SAMMSON: variants seen among roughly 807,000 people sequenced by gnomAD.
SAMMSON encodes the protein long intergenic non-protein coding RNA 1212.
chr3:70,060,967 T>G (rs2067185293), intron 3 of SAMMSON, among the ~76,000 whole-genome samples: 2 of 151,894 alleles, frequency 1.3e-5, no homozygotes, highest in Non-Finnish European at 2.9e-5. Context: ...AGTGGAAAAT[T>G]ATCTGGATAT....
intron 4 of SAMMSON, among the ~76,000 whole-genome samples, chr3:70,222,484 G>A (rs1701469705): frequency 6.6e-6 from 1 of 152,176 alleles, no homozygotes; most frequent in Non-Finnish European, 1.5e-5. Flanking sequence ...CTTTGGATAG[G>A]TTGGTTTTCG....
intron 7 of SAMMSON, among the ~76,000 whole-genome samples, chr3:70,337,145 T>A (rs951929474): frequency 0.057 from 3,749 of 65,792 alleles, 92 homozygotes; most frequent in African/African-American, 0.064. Flanking sequence ...CTTAATATTA[T>A]TATTAATAAT....
In SAMMSON at chr3:70,112,274, A is replaced by T. The variant is rs566023470; in HGVS notation, n.507+40709A>T. ...AATAACAGGTGTCAGAAGACAATGG[A>T]ATATCTGCACAATGCTGGGAGAAAG... On this transcript the variant is annotated intron_variant and non_coding_transcript_variant, in intron 4 of 9. Transcript: ENST00000642114. Among the ~76,000 whole-genome samples the T allele has an allele frequency of 8.0e-4, 122 of 152,290 alleles. 4 individuals are homozygous for T. In the South Asian group the frequency reaches 0.024, roughly 30 times the overall value.
chr3:70,371,686 G>A (rs9310190), intron 9 of SAMMSON, among the ~76,000 whole-genome samples: 72,939 of 151,628 alleles, frequency 0.48, 18,023 homozygotes, highest in East Asian at 0.61. Context: ...ATTTATTTGT[G>A]TCCTGCAACC....
chr3:70,429,226 C>G (rs925760166), intron 2 of SAMMSON, among the ~76,000 whole-genome samples: 1 of 152,176 alleles, frequency 6.6e-6, no homozygotes, highest in Admixed American at 6.5e-5. Context: ...ATAGGGAATT[C>G]TTTCTCCATT....
chr3:70,084,024 A>C (rs539845558), intron 4 of SAMMSON, among the ~76,000 whole-genome samples: 24 of 152,286 alleles, frequency 1.6e-4, no homozygotes, highest in Admixed American at 5.9e-4. Flanking sequence ...TGGAATCCCA[A>C]CCAGAGACCT....
chr3:70,255,487 G>A (rs1338309669), intron 6 of SAMMSON, among the ~76,000 whole-genome samples: 1 of 152,090 alleles, frequency 6.6e-6, no homozygotes, highest in East Asian at 1.9e-4. Flanking sequence ...AGTGGTATGA[G>A]CACAGTTAAC....
At chr3:70,258,789 T>A (rs1200768194) in intron 6 of SAMMSON, among the ~76,000 whole-genome samples, 1 of 152,140 alleles carries the variant, frequency 6.6e-6, no homozygotes, top group African/African-American at 2.4e-5. Flanking sequence ...AAAAGTGTTA[T>A]TTAGCCAATA....
At position 70,065,775 on chromosome 3, in the gene SAMMSON, A is replaced by G. The variant is rs1361389043; in HGVS notation, n.418-5701A>G. Among the ~76,000 whole-genome samples, 3 of 152,176 alleles carry G rather than the reference A, an allele frequency of 2.0e-5. No homozygotes were observed. In the East Asian group the frequency reaches 5.8e-4, roughly 30 times the overall value. On this transcript the variant is annotated intron_variant and non_coding_transcript_variant, in intron 3 of 9. Transcript: ENST00000642114. The stretch of plus-strand genomic sequence containing the variant: ...CCACCCCCACAACACACACACAATA[A>G]AAAATTGGCCCCAAATGTTAATAGC...
chr3:70,265,303 C>G (rs1428000126), intron 6 of SAMMSON, among the ~76,000 whole-genome samples: 2 of 152,144 alleles, frequency 1.3e-5, no homozygotes, highest in Non-Finnish European at 2.9e-5. Context: ...AAAAAACTAA[C>G]CTAGTGAGAT....
intron 4 of SAMMSON, among the ~76,000 whole-genome samples, chr3:70,132,467 C>T (rs2067486370): frequency 6.6e-6 from 1 of 152,186 alleles, no homozygotes; most frequent in Admixed American, 6.5e-5. Flanking sequence ...CACAGCTCCT[C>T]CTATAATCTG....
chr3:70,261,140 T>A (rs1314806689), intron 6 of SAMMSON, among the ~76,000 whole-genome samples: 2 of 152,200 alleles, frequency 1.3e-5, no homozygotes, highest in African/African-American at 2.4e-5. Context: ...CATTAGCAGA[T>A]AATATTGTAT....
chr3:70,156,475 A>C (rs1043037297), intron 4 of SAMMSON, among the ~76,000 whole-genome samples: 1 of 152,052 alleles, frequency 6.6e-6, no homozygotes, highest in Non-Finnish European at 1.5e-5. Flanking sequence ...ATAACCATGA[A>C]GTTTTATCAA....
At chr3:70,375,849 T>A (rs946141693) in intron 9 of SAMMSON, among the ~76,000 whole-genome samples, 2 of 152,162 alleles carry the variant, frequency 1.3e-5, no homozygotes, top group African/African-American at 4.8e-5. Flanking sequence ...CTCTCAACAA[T>A]TTCATGTTTT....
chr3:70,223,372 A>C (rs1395797860), intron 4 of SAMMSON, among the ~76,000 whole-genome samples: 1 of 152,188 alleles, frequency 6.6e-6, no homozygotes, highest in Non-Finnish European at 1.5e-5. Context: ...CTTAAAAATC[A>C]ACTGAGATGA....
chr3:70,305,474 G>A (rs988694318), intron 7 of SAMMSON, among the ~76,000 whole-genome samples: 3 of 152,078 alleles, frequency 2.0e-5, no homozygotes, highest in South Asian at 2.1e-4. Context: ...AAAATATCCC[G>A]TTTAGAAATG....
At chr3:70,033,574 C>A (rs762325156) in intron 3 of SAMMSON, among the ~76,000 whole-genome samples, 4 of 152,094 alleles carry the variant, frequency 2.6e-5, no homozygotes, top group African/African-American at 4.8e-5. Flanking sequence ...GAACTTGGGA[C>A]TATCTTGCAA....
At chr3:70,300,564 G>C (rs1363009815) in intron 7 of SAMMSON, among the ~76,000 whole-genome samples, 1 of 151,812 alleles carries the variant, frequency 6.6e-6, no homozygotes, top group Non-Finnish European at 1.5e-5. Flanking sequence ...TTTCCCTGTT[G>C]AGTGTTTTCA....
At position 70,288,199 on chromosome 3, in the gene SAMMSON, G is replaced by T. The variant is rs955737732; in HGVS notation, n.675-2980G>T. 5.1e-5 allele frequency among the ~76,000 whole-genome samples: 7 copies of T among 138,460 alleles called. No individual in the cohort carries two copies. In the East Asian group the frequency reaches 1.5e-3, roughly 29 times the overall value. 90.8% of individuals were successfully genotyped at this position (138,460 alleles called of 152,430 possible). A position where few individuals can be genotyped will look rare whatever the true frequency, so the allele number is the denominator to read the frequency against. On this transcript the variant is annotated intron_variant and non_coding_transcript_variant, in intron 6 of 9. Coordinates refer to ENST00000642114, the Ensembl canonical transcript of SAMMSON. ...CTGCTTTCTCTTGTGGGCATTTAGTGCTATAAATTTCCCTCTACACACTGC... is the reference window on the plus strand; with the variant it reads ...CTGCTTTCTCTTGTGGGCATTTAGTTCTATAAATTTCCCTCTACACACTGC...
Sources: gnomAD v4.1 joint callset for allele counts (sites outside exome capture counted in the v4.1 genomes callset) on GRCh38, gnomAD v4.1.1 for gene constraint, MANE v1.5 for transcripts, NCBI Gene and HGNC (gene_info 2026-07-23, HGNC 2026-07-21) for gene names.